Variants in MAGI1 observed in about 807,000 individuals in gnomAD.
MAGI1 encodes the protein membrane-associated guanylate kinase, WW and PDZ domain-containing protein 1.
A neutral mutation model predicts 139.9 loss-of-function variants in MAGI1; 58 were observed. That is an observed-to-expected ratio of 0.41 (90% confidence interval 0.34 to 0.52). The LOEUF (loss-of-function observed/expected upper bound fraction) is 0.52. Among genes scored for constraint, MAGI1 ranks in the 20% least tolerant of loss-of-function variants. The pLI is 0.12. For synonymous variants in MAGI1, 812 were observed against 737.9 expected (o/e 1.10, Z -1.63); for missense variants, 1,874 against 1,901.6 (o/e 0.99, Z 0.27).
At chr3:65,812,460 T>TCACACACACACA (rs1241847173) in intron 1 of MAGI1, among the ~76,000 whole-genome samples, 13 of 99,174 alleles carry the variant, frequency 1.3e-4, no homozygotes, top group South Asian at 5.4e-4. Flanking sequence ...TCTCTCTCTC[T>TCACACACACACA]CTCTCTCTCA....
intron 2 of MAGI1, among the ~76,000 whole-genome samples, chr3:65,518,553 C>G (rs1387262350): frequency 1.3e-5 from 2 of 152,070 alleles, no homozygotes; most frequent in Non-Finnish European, 2.9e-5. Flanking sequence ...ATCCTGTACC[C>G]TAAATTCCTT....
intron 1 of MAGI1, among the ~76,000 whole-genome samples, chr3:65,996,441 C>T (rs1403586046): frequency 2.7e-5 from 4 of 146,926 alleles, no homozygotes; most frequent in African/African-American, 1.0e-4. Flanking sequence ...ACACCAAAAA[C>T]TAAAAAAGAG....
At chr3:66,020,770 C>T (rs747725205) in intron 1 of MAGI1, among the ~76,000 whole-genome samples, 68 of 152,174 alleles carry the variant, frequency 4.5e-4, no homozygotes, top group Admixed American at 1.6e-3. Flanking sequence ...GAGTCTCCCA[C>T]CCTGCATAAA....
At chr3:65,372,575 A>G (rs1253850425) in intron 18 of MAGI1, among the ~76,000 whole-genome samples, 1 of 152,188 alleles carries the variant, frequency 6.6e-6, no homozygotes, top group East Asian at 1.9e-4. Flanking sequence ...TGAAGCTTTG[A>G]AACTAGGCAT....
chr3:65,846,585 G>A (rs1183689323), intron 1 of MAGI1, among the ~76,000 whole-genome samples: 1 of 152,146 alleles, frequency 6.6e-6, no homozygotes, highest in Admixed American at 6.6e-5. Context: ...CTGCCTCAAA[G>A]TACCAGCAGT....
intron 1 of MAGI1, among the ~76,000 whole-genome samples, chr3:66,010,156 T>C (rs763218034): frequency 6.6e-6 from 1 of 151,690 alleles, no homozygotes; most frequent in Non-Finnish European, 1.5e-5. Context: ...AGAAAATGCT[T>C]AGCCACAACA....
At chr3:65,838,219 G>A (rs529395372) in intron 1 of MAGI1, among the ~76,000 whole-genome samples, 88 of 152,318 alleles carry the variant, frequency 5.8e-4, no homozygotes, top group African/African-American at 2.0e-3. Context: ...GGCTGAGGCA[G>A]GAGAATCACT....
intron 1 of MAGI1, among the ~76,000 whole-genome samples, chr3:65,898,589 T>C (rs1235347236): frequency 6.6e-6 from 1 of 152,204 alleles, no homozygotes; most frequent in Non-Finnish European, 1.5e-5. Context: ...TTGCTATGTC[T>C]CATTTCACAA....
Position 65,518,762 on chromosome 3 carries a change from A to G in MAGI1, c.431-25131T>C, listed in dbSNP as rs1400562258. On this transcript the variant is annotated intron_variant, in intron 2 of 22. Coordinates refer to ENST00000402939, the MANE Select transcript of MAGI1 (RefSeq NM_001033057.2). ...TGCCAAGTAATGTTGAAGACGGTAG[A>G]TGCAGCAAAAAAAAAATAAATAAAT... 2.6e-5 allele frequency among the ~76,000 whole-genome samples: 3 copies of G among 115,290 alleles called. No homozygotes were observed. In the Admixed American group the frequency reaches 2.9e-4, roughly 11 times the overall value. 75.6% of individuals were successfully genotyped at this position (115,290 alleles called of 152,430 possible). A position where few individuals can be genotyped will look rare whatever the true frequency, so the allele number is the denominator to read the frequency against.
chr3:65,743,506 G>A (rs1309168780), intron 1 of MAGI1, among the ~76,000 whole-genome samples: 2 of 151,528 alleles, frequency 1.3e-5, no homozygotes, highest in African/African-American at 4.9e-5. Flanking sequence ...TCAGTAGTTC[G>A]AGACCAGCCT....
At chr3:66,022,568 C>T (rs764065546) in intron 1 of MAGI1, among the ~76,000 whole-genome samples, 7 of 152,192 alleles carry the variant, frequency 4.6e-5, no homozygotes, top group Non-Finnish European at 8.8e-5. Context: ...AAACAACAGT[C>T]TCATCTGCTG....
At chr3:65,441,881 T>A (rs1948362339) in intron 8 of MAGI1, among the ~76,000 whole-genome samples, 1 of 152,168 alleles carries the variant, frequency 6.6e-6, no homozygotes, top group Non-Finnish European at 1.5e-5. Context: ...ACTTTTTTCA[T>A]CTTGTGTTCA....
chr3:65,766,760 G>A (rs2037512019), intron 1 of MAGI1, among the ~76,000 whole-genome samples: 1 of 151,940 alleles, frequency 6.6e-6, no homozygotes, highest in African/African-American at 2.4e-5. Context: ...GTGATGGCAG[G>A]CACCTGTAAT....
rs772626492 is a variant in MAGI1, at chr3:66,038,084, C to A, written c.225G>T (p.Gly75=). The change falls in exon 1 of 23, where the codon GGG becomes GGT. Residue 75 remains glycine, a synonymous_variant. Transcript: ENST00000402939. ...AGCGGGGCAAGCCGGACACCCGGAC[C>A]CCCTGCACCTCCAGAAGCAGCTCCC... is the stretch of plus-strand genomic sequence containing the variant. The part of the protein sequence containing the change: ...GEGELLLEVQ[G]VRVSGLPRYD... The A allele has an allele frequency of 3.7e-5, 59 of 1,612,998 alleles. No homozygotes were observed. Among genetic ancestry groups the A allele is most frequent in the Non-Finnish European group, 4.7e-5 (56 of 1,179,762 alleles).
chr3:65,709,995 T>G (rs989350741), intron 1 of MAGI1, among the ~76,000 whole-genome samples: 7 of 152,196 alleles, frequency 4.6e-5, no homozygotes, highest in Non-Finnish European at 4.4e-5. Flanking sequence ...AAAAGCTGAC[T>G]TGGTGAGCAA....
chr3:65,829,349 T>A (rs951263793), intron 1 of MAGI1, among the ~76,000 whole-genome samples: 6 of 152,180 alleles, frequency 3.9e-5, no homozygotes, highest in African/African-American at 1.4e-4. Context: ...TGGAACCTAA[T>A]ACCCAGTGTG....
At chr3:65,786,608 ATTT>A (rs34768515) in intron 1 of MAGI1, among the ~76,000 whole-genome samples, 25,013 of 128,320 alleles carry the variant, frequency 0.19, 2,494 homozygotes, top group South Asian at 0.38. Context: ...TGGCCCAAGA[ATTT>A]TTTTTTTTTT....
chr3:65,925,306 T>C (rs1271376167), intron 1 of MAGI1: 1 of 152,132 alleles, frequency 6.6e-6, no homozygotes, highest in Admixed American at 6.6e-5. Flanking sequence ...CAGGTAGTGT[T>C]TTTTTTTGTT....
Position 65,992,300 on chromosome 3 carries a change from A to AC in MAGI1, c.313+45695dup, listed in dbSNP as rs1271042154. ...CAGTTGCACATCTAAGGAAACAGTG[A>AC]CTCACCTATATCTTGACAAAGACAG... On this transcript the variant is annotated intron_variant, in intron 1 of 22. Coordinates refer to ENST00000402939, the MANE Select transcript of MAGI1 (RefSeq NM_001033057.2). 3.3e-5 allele frequency among the ~76,000 whole-genome samples: 5 copies of AC among 152,308 alleles called. No homozygotes were observed. In the East Asian group the frequency reaches 9.7e-4, roughly 29 times the overall value.
Sources: allele counts gnomAD v4.1 joint callset (sites outside exome capture counted in the v4.1 genomes callset), GRCh38; gene constraint gnomAD v4.1.1; transcripts MANE v1.5; gene names NCBI Gene and HGNC (gene_info 2026-07-23, HGNC 2026-07-21).